Variants in PITPNA observed in about 807,000 individuals in gnomAD.
The protein encoded by PITPNA is phosphatidylinositol transfer protein alpha isoform.
A neutral mutation model predicts 50.3 loss-of-function variants in PITPNA; 13 were observed. The observed-to-expected ratio is 0.26, with a 90% CI of 0.17 to 0.41. The LOEUF (loss-of-function observed/expected upper bound fraction) is 0.41, where lower values mean the gene tolerates loss of function less well. Ranked by LOEUF, PITPNA falls within the 10% of genes least tolerant of loss-of-function variation. PITPNA has a pLI of 1.00. For missense variants in PITPNA, 207 were observed against 333.4 expected (o/e 0.62, Z 2.95); for synonymous variants, 120 against 119.6 (o/e 1.00, Z -0.02).
intron 3 of PITPNA, among the ~76,000 whole-genome samples, chr17:1,551,358 CA>C (rs1356945188): frequency 6.6e-6 from 1 of 151,694 alleles, no homozygotes; most frequent in Admixed American, 6.6e-5. Flanking sequence ...GTGGCGTGAC[CA>C]TGGCTTACTG....
chr17:1,548,002 T>C (rs543379479), intron 4 of PITPNA, among the ~76,000 whole-genome samples: 1 of 151,928 alleles, frequency 6.6e-6, no homozygotes, highest in Non-Finnish European at 1.5e-5. Context: ...TCCCAAAAAA[T>C]AAATAAATAA....
rs377138308 is a variant in PITPNA at position 1,548,397 on chromosome 17, G to C, written c.198-10C>G. On this transcript the variant is annotated splice_polypyrimidine_tract_variant and intron_variant, in intron 3 of 11. Transcript: ENST00000313486. ...AAACGTGGGTACTTTGCTATAGCGGGGAAAAAAAGGGGTATAAAGAGAAAT... is the reference window on the plus strand; with the variant it reads ...AAACGTGGGTACTTTGCTATAGCGGCGAAAAAAAGGGGTATAAAGAGAAAT... 5.1e-6 allele frequency: 8 copies of C among 1,561,564 alleles called. No individual in the cohort carries two copies. Among genetic ancestry groups the C allele is most frequent in the Non-Finnish European group, 7.0e-6 (8 of 1,148,142 alleles).
In PITPNA at chr17:1,560,951, C is replaced by T. The variant is rs2075764991; in HGVS notation, c.20+1590G>A. ...ATGTCCTAAATGTCCTAAGCACCTC[C>T]AAGGAGCCAGCCTGGTGGGGATGGT... On this transcript the variant is annotated intron_variant, in intron 1 of 11. Coordinates refer to ENST00000313486, the MANE Select transcript of PITPNA (RefSeq NM_006224.4). Among the ~76,000 whole-genome samples, 3 of 152,186 alleles carry T rather than the reference C, an allele frequency of 2.0e-5. No individual in the cohort carries two copies. The South Asian group carries it at 6.2e-4, about 31-fold the overall frequency.
chr17:1,548,716 G>A (rs888852987), intron 3 of PITPNA, among the ~76,000 whole-genome samples: 1 of 152,040 alleles, frequency 6.6e-6, no homozygotes, highest in African/African-American at 2.4e-5. Context: ...TACAAGGTGC[G>A]AGAAAAACAC....
chr17:1,541,843 G>A (rs1466992094), intron 5 of PITPNA: 1 of 671,280 alleles, frequency 1.5e-6, no homozygotes, highest in East Asian at 3.0e-5. Context: ...CAGCCTGAGA[G>A]CTCTGTAGAA....
At chr17:1,527,805 TA>T (rs1201114636) in intron 10 of PITPNA, among the ~76,000 whole-genome samples, 1 of 152,204 alleles carries the variant, frequency 6.6e-6, no homozygotes, top group Non-Finnish European at 1.5e-5. Context: ...AAAAACTGGG[TA>T]AAGGGTACAT....
chr17:1,547,139 C>T (rs12449797), intron 4 of PITPNA, among the ~76,000 whole-genome samples: 22,106 of 149,010 alleles, frequency 0.15, 2,331 homozygotes, highest in East Asian at 0.42. Context: ...GTGGGAGGAT[C>T]GCTTGAGCCC....
At chr17:1,525,179 G>A (rs965000938) in intron 10 of PITPNA, among the ~76,000 whole-genome samples, 3 of 151,738 alleles carry the variant, frequency 2.0e-5, no homozygotes, top group Non-Finnish European at 2.9e-5. Flanking sequence ...TAGTACAGAC[G>A]GGGTTTCACC....
chr17:1,558,580 A>C (rs1038712616), intron 1 of PITPNA, 21 bp from the exon 2 acceptor site: 1 of 1,586,312 alleles, frequency 6.3e-7, no homozygotes. Context: ...GGGAAAAGAG[A>C]GTATCAACTT....
At chr17:1,538,760 C>T (rs2075632076) in intron 7 of PITPNA, 109 bp downstream of exon 7, 3 of 657,756 alleles carry the variant, frequency 4.6e-6, no homozygotes, top group Non-Finnish European at 8.2e-6. Flanking sequence ...AAGCAAGACA[C>T]ATCAGAATTT....
chr17:1,535,651 T>C, intron 7 of PITPNA, 133 bp from the exon 8 acceptor site: 1 of 688,572 alleles, frequency 1.5e-6, no homozygotes, highest in East Asian at 2.7e-5. Flanking sequence ...TATGGGAAAA[T>C]GTTATAAACA....
chr17:1,549,909 G>A (rs544640829), intron 3 of PITPNA, among the ~76,000 whole-genome samples: 2 of 151,762 alleles, frequency 1.3e-5, no homozygotes, highest in South Asian at 2.1e-4. Flanking sequence ...TCCTGACCTC[G>A]GGCAATCTGC....
chr17:1,539,289 T>C (rs2075635430), intron 6 of PITPNA, among the ~76,000 whole-genome samples: 1 of 151,808 alleles, frequency 6.6e-6, no homozygotes, highest in South Asian at 2.1e-4. Context: ...CGAGGGATCC[T>C]ACTGTCTCAG....
rs1464891168 is a variant in PITPNA at position 1,546,846 on chromosome 17, T to G, written c.289+1450A>C. 2.6e-5 allele frequency among the ~76,000 whole-genome samples: 4 copies of G among 152,200 alleles called. No individual in the cohort carries two copies. In the East Asian group the frequency reaches 7.7e-4, roughly 29 times the overall value. ...AGAAAGTTCTCTGTGGAGGTTCAAA[T>G]CTTTCCTTTCCTTTCAAGAAACTCT... On this transcript the variant is annotated intron_variant, in intron 4 of 11. Coordinates refer to ENST00000313486, the MANE Select transcript of PITPNA (RefSeq NM_006224.4).
At chr17:1,549,011 G>A (rs1289373785) in intron 3 of PITPNA, among the ~76,000 whole-genome samples, 3 of 152,094 alleles carry the variant, frequency 2.0e-5, no homozygotes, top group African/African-American at 7.2e-5. Context: ...CAGTTCAAGC[G>A]ATTCTCCCGC....
Position 1,534,263 on chromosome 17 carries a change from G to A in PITPNA, c.646-42C>T, listed in dbSNP as rs140577171. 1.7e-4 allele frequency: 268 copies of A among 1,612,262 alleles called. 1 individual carries two copies. In the African/African-American group the frequency reaches 3.3e-3, roughly 20 times the overall value. Reference sequence around the variant, plus strand: ...ACCACGTTAGAACGCAGAAGGCAAAGGCTGCTGCCACAGCCCTTCTCTCCA... The same window carrying A: ...ACCACGTTAGAACGCAGAAGGCAAAAGCTGCTGCCACAGCCCTTCTCTCCA... On this transcript the variant is annotated intron_variant, in intron 9 of 11. Coordinates refer to ENST00000313486, the MANE Select transcript of PITPNA (RefSeq NM_006224.4).
chr17:1,549,441 C>T (rs1392335910), intron 3 of PITPNA, among the ~76,000 whole-genome samples: 2 of 150,262 alleles, frequency 1.3e-5, no homozygotes, highest in South Asian at 2.1e-4. Flanking sequence ...CTCAGCCTCC[C>T]GAGTAGAAGG....
At chr17:1,557,497 C>T (rs1262511367) in intron 2 of PITPNA, among the ~76,000 whole-genome samples, 4 of 152,142 alleles carry the variant, frequency 2.6e-5, no homozygotes, top group African/African-American at 9.7e-5. Context: ...TAACTGGAAG[C>T]TGGGGCGGGG....
rs1011414027 is a variant in PITPNA, at chr17:1,540,775, C to T, written c.372+791G>A. ...GGCTGTTTTGTATTTTTAGTAGGGA[C>T]AGGGTTTCACCGTGTTAGCCAGGAT... is the stretch of plus-strand genomic sequence containing the variant. On this transcript the variant is annotated intron_variant, in intron 6 of 11. Transcript: ENST00000313486. Among the ~76,000 whole-genome samples, 117 of 152,264 alleles carry T rather than the reference C, an allele frequency of 7.7e-4. 1 individual carries two copies. Among genetic ancestry groups the T allele is most frequent in the African/African-American group, 2.8e-3 (116 of 41,552 alleles).
Sources: gnomAD v4.1 joint callset for allele counts (sites outside exome capture counted in the v4.1 genomes callset) on GRCh38, gnomAD v4.1.1 for gene constraint, MANE v1.5 for transcripts, NCBI Gene and HGNC (gene_info 2026-07-23, HGNC 2026-07-21) for gene names.